Variants in SEPTIN6 observed in about 807,000 individuals in gnomAD.
SEPTIN6 encodes septin-6.
A neutral mutation model predicts 33.6 loss-of-function variants in SEPTIN6; 8 were observed. The observed-to-expected ratio is 0.24, with a 90% CI of 0.14 to 0.43. SEPTIN6 has a LOEUF of 0.43. Among genes scored for constraint, SEPTIN6 ranks in the 20% least tolerant of loss-of-function variants. SEPTIN6 has a pLI of 1.00. For missense variants in SEPTIN6, 250 were observed against 340.8 expected (o/e 0.73, Z 2.10); for synonymous variants, 131 against 140.0 (o/e 0.94, Z 0.45).
chrX:119,687,695 C>T (rs953746633), intron 1 of SEPTIN6, among the ~76,000 whole-genome samples: 1 of 112,098 alleles, frequency 8.9e-6, no homozygotes, highest in African/African-American at 3.2e-5. Context: ...TACCTTTTTC[C>T]AGAGGACTTA....
intron 9 of SEPTIN6, among the ~76,000 whole-genome samples, chrX:119,626,079 C>T (rs1016309768): frequency 7.1e-5 from 8 of 112,356 alleles, no homozygotes; most frequent in African/African-American, 1.9e-4. Flanking sequence ...GCCACTTCTG[C>T]ATCTGGAAGT....
At chrX:119,679,739 T>G (rs2054916263) in intron 1 of SEPTIN6, among the ~76,000 whole-genome samples, 1 of 111,466 alleles carries the variant, frequency 9.0e-6, no homozygotes, top group East Asian at 2.8e-4. Flanking sequence ...GAGCCTGTAA[T>G]CCCAGCCACT....
At chrX:119,623,564 G>A (rs1418705400) in intron 10 of SEPTIN6, among the ~76,000 whole-genome samples, 2 of 112,143 alleles carry the variant, frequency 1.8e-5, no homozygotes, top group South Asian at 3.7e-4. Flanking sequence ...TTCATCGGGC[G>A]CGGTGGCTCA....
chrX:119,661,250 C>G (rs1033416265), intron 3 of SEPTIN6, among the ~76,000 whole-genome samples: 2 of 98,776 alleles, frequency 2.0e-5, no homozygotes, highest in Non-Finnish European at 4.0e-5. Context: ...ACAGTGAAAC[C>G]CCATCTCTAC....
At chrX:119,647,955 T>G (rs1173610161) in intron 5 of SEPTIN6, among the ~76,000 whole-genome samples, 1 of 83,912 alleles carries the variant, frequency 1.2e-5, no homozygotes, top group Non-Finnish European at 2.3e-5. Flanking sequence ...GCCCGGCCAC[T>G]AGTTAATTTT....
At chrX:119,623,846 G>T (rs988294880) in intron 10 of SEPTIN6, among the ~76,000 whole-genome samples, 5 of 111,269 alleles carry the variant, frequency 4.5e-5, no homozygotes, top group African/African-American at 1.6e-4. Flanking sequence ...CTCAAAAAAA[G>T]AAACAAACAA....
At position 119,663,470 on chromosome X, in the gene SEPTIN6, CG is replaced by C; in HGVS notation, c.341+11del. On this transcript the variant is annotated intron_variant, in intron 3 of 10. Transcript: ENST00000394610. ...ACCTCCCCACCCTACCCCACCCCAC[CG>C]CCTTCTTTACCTGTCCTCTTTGTTG... 1 of 1,128,697 alleles carries C rather than the reference CG, an allele frequency of 8.9e-7. No individual in the cohort carries two copies. Among genetic ancestry groups the C allele is most frequent in the Non-Finnish European group, 1.2e-6 (1 of 831,624 alleles). The allele number at this position is 1,128,697 out of a possible 1,213,427, so 93.0% of individuals were successfully genotyped here.
intron 3 of SEPTIN6, among the ~76,000 whole-genome samples, chrX:119,661,041 CAAAAAAAAA>C (rs58898121): frequency 1.1e-4 from 1 of 9,515 alleles, no homozygotes; most frequent in African/African-American, 4.0e-4. Flanking sequence ...GACTCCATCT[CAAAAAAAAA>C]AAAAAAAAAA....
In SEPTIN6 at chrX:119,618,793, A is replaced by G; in HGVS notation, c.*1300T>C. The G allele has an allele frequency of 8.3e-7, 1 of 1,210,377 alleles. No homozygotes were observed. The highest frequency in any genetic ancestry group is 1.1e-6 in the Non-Finnish European group (1 of 894,738). On this transcript the variant is annotated 3_prime_UTR_variant, in exon 11 of 11. Coordinates refer to ENST00000394610, the MANE Select transcript of SEPTIN6 (RefSeq NM_145799.4). ...AGTACACAGCCATGGATTACTGCAA[A>G]GGAAGGGCAGAGAGACGGCATGTTA...
chrX:119,620,412 G>A (rs920825967), intron 10 of SEPTIN6, among the ~76,000 whole-genome samples: 3 of 101,079 alleles, frequency 3.0e-5, no homozygotes, highest in Non-Finnish European at 5.9e-5. Context: ...TCTGCCTCCC[G>A]GGTTCACGCC....
At chrX:119,680,688 A>C (rs1285146780) in intron 1 of SEPTIN6, among the ~76,000 whole-genome samples, 1 of 110,795 alleles carries the variant, frequency 9.0e-6, no homozygotes, top group Non-Finnish European at 1.9e-5. Flanking sequence ...GAAAGCTTCA[A>C]AAATGTATTT....
intron 2 of SEPTIN6, among the ~76,000 whole-genome samples, chrX:119,669,740 C>G (rs1455629617): frequency 8.9e-6 from 1 of 111,891 alleles, no homozygotes; most frequent in Non-Finnish European, 1.9e-5. Context: ...CTGCTGGCAG[C>G]CTGTTTTAGA....
At chrX:119,647,616 C>T (rs921057491) in intron 5 of SEPTIN6, among the ~76,000 whole-genome samples, 1 of 107,797 alleles carries the variant, frequency 9.3e-6, no homozygotes, top group African/African-American at 3.4e-5. Flanking sequence ...ACCCACCGAC[C>T]AAGTAGCTGA....
intron 5 of SEPTIN6, among the ~76,000 whole-genome samples, chrX:119,649,570 AAAT>A (rs990598655): frequency 1.8e-5 from 2 of 109,098 alleles, no homozygotes; most frequent in African/African-American, 6.7e-5. Flanking sequence ...CTATTTGGTA[AAAT>A]AATAATAATA....
chrX:119,642,191 A>G (rs1285389507), intron 5 of SEPTIN6, among the ~76,000 whole-genome samples: 1 of 109,425 alleles, frequency 9.1e-6, no homozygotes, highest in Non-Finnish European at 1.9e-5. Flanking sequence ...AAAAAAAAAA[A>G]AAAAAAGAAA....
At chrX:119,637,253 G>A in intron 6 of SEPTIN6, 58 bp from the exon 7 acceptor site, 1 of 1,076,097 alleles carries the variant, frequency 9.3e-7, no homozygotes, top group Non-Finnish European at 1.3e-6. Context: ...AGCAGAAGCA[G>A]AAATGGATGA....
At chrX:119,615,887 AACAC>A (rs1165949843), downstream of SEPTIN6, 2 of 166,449 alleles carry the variant, frequency 1.2e-5, no homozygotes, top group Non-Finnish European at 2.3e-5. Context: ...AGAAAGGAAA[AACAC>A]ACACAGATTC....
intron 9 of SEPTIN6, among the ~76,000 whole-genome samples, chrX:119,626,597 C>A (rs993833060): frequency 8.9e-6 from 1 of 111,972 alleles, no homozygotes; most frequent in African/African-American, 3.3e-5. Flanking sequence ...GAACTTTATC[C>A]ATCAGGTAAT....
At position 119,617,586 on chromosome X, in the gene SEPTIN6, G is replaced by A; in HGVS notation, c.*2507C>T. 1 of 803,374 alleles carries A rather than the reference G, an allele frequency of 1.2e-6. No homozygotes were observed. Among genetic ancestry groups the A allele is most frequent in the Non-Finnish European group, 1.5e-6 (1 of 669,420 alleles). The allele number at this position is 803,374 out of a possible 1,213,427, so 66.2% of individuals were successfully genotyped here. A position where few individuals can be genotyped will look rare whatever the true frequency, so the allele number is the denominator to read the frequency against. On this transcript the variant is annotated 3_prime_UTR_variant, in exon 11 of 11. Transcript: ENST00000394610. ...GTTTTTCTGTGGAAAAAAACCTCGA[G>A]GGTCTTCTAATACTAACTAGTCAGT...
Sources: allele counts gnomAD v4.1 joint callset (sites outside exome capture counted in the v4.1 genomes callset), GRCh38; gene constraint gnomAD v4.1.1; transcripts MANE v1.5; gene names NCBI Gene and HGNC (gene_info 2026-07-23, HGNC 2026-07-21).